Variants in PTP4A1 observed in about 807,000 individuals in gnomAD.
PTP4A1 encodes the protein protein tyrosine phosphatase 4A1.
PTP4A1 carries 9 observed loss-of-function variants against 20.5 expected under a neutral mutation model. That is an observed-to-expected ratio of 0.44 (90% CI 0.26 to 0.77). The LOEUF (loss-of-function observed/expected upper bound fraction) is 0.77. Among genes scored for constraint, PTP4A1 ranks in the 30% least tolerant of loss-of-function variants. The probability of loss-of-function intolerance (pLI) is 0.19; values close to 1 mark genes in which losing one functional copy is unlikely to be tolerated. For missense variants in PTP4A1, 137 were observed against 218.8 expected (o/e 0.63, Z 2.36); for synonymous variants, 78 against 67.4 (o/e 1.16, Z -0.77).
chr6:63,560,498 G>C (rs1393424052), intron 3 of PTP4A1, among the ~76,000 whole-genome samples: 1 of 150,470 alleles, frequency 6.6e-6, no homozygotes, highest in African/African-American at 2.4e-5. Context: ...TGCCTCCCGA[G>C]TTCAAGTGAT....
Position 63,561,652 on chromosome 6 carries a change from T to C in PTP4A1, c.-446+11159T>C, listed in dbSNP as rs1776954359. On this transcript the variant is annotated intron_variant, in intron 3 of 3. Transcript: ENST00000639568. ...GTTATACCCAAGTCACCTTGGGTTT[T>C]AGATGTTTCCAAACGTTTAGAGGTG... 3.3e-5 allele frequency among the ~76,000 whole-genome samples: 5 copies of C among 152,176 alleles called. No homozygotes were observed. The South Asian group carries it at 1.0e-3, about 31-fold the overall frequency.
In PTP4A1 at chr6:63,538,663, A is replaced by C. The variant is rs114872939; in HGVS notation, c.-640+10579A>C. 6.2e-3 allele frequency among the ~76,000 whole-genome samples: 949 copies of C among 152,332 alleles called. 9 individuals carry two copies. The highest frequency in any genetic ancestry group is 0.033 in the South Asian group (158 of 4,834). ...AAAAGAGATTTTCTTATTTTTTAAG[A>C]TAGCATGAAAATGTGCTTTAGTTTT... On this transcript the variant is annotated intron_variant, in intron 2 of 3. Coordinates refer to the PTP4A1 transcript ENST00000639568.
intron 2 of PTP4A1, among the ~76,000 whole-genome samples, chr6:63,541,026 A>AGGG (rs1775948395): frequency 6.8e-6 from 1 of 146,466 alleles, no homozygotes; most frequent in Non-Finnish European, 1.5e-5. Context: ...GGGAATGAAG[A>AGGG]AAGGAAGGAA....
chr6:63,564,451 G>C (rs1002875520), intron 3 of PTP4A1, among the ~76,000 whole-genome samples: 11 of 152,128 alleles, frequency 7.2e-5, no homozygotes, highest in African/African-American at 2.7e-4. Context: ...GACTGTTGTA[G>C]CTTTTGTTAA....
rs368013448 is a variant in PTP4A1, at chr6:63,535,978, G to T, written c.-640+7894G>T. Among the ~76,000 whole-genome samples the T allele has an allele frequency of 2.0e-5, 3 of 151,436 alleles. No individual in the cohort carries two copies. In the East Asian group the frequency reaches 6.0e-4, roughly 30 times the overall value. On this transcript the variant is annotated intron_variant, in intron 2 of 3. Coordinates refer to the PTP4A1 transcript ENST00000639568. ...TGTAGAGACAGTGTTTCACTGTGTT[G>T]GCCAGGGTGGCCTGGAACTCGTGAC...
At chr6:63,533,218 C>A (rs953240668) in intron 2 of PTP4A1, among the ~76,000 whole-genome samples, 1 of 152,074 alleles carries the variant, frequency 6.6e-6, no homozygotes, top group African/African-American at 2.4e-5. Context: ...CTGGTATCTA[C>A]TAAAAATACA....
At chr6:63,542,363 A>G (rs1776018788) in intron 2 of PTP4A1, among the ~76,000 whole-genome samples, 1 of 152,022 alleles carries the variant, frequency 6.6e-6, no homozygotes, top group East Asian at 1.9e-4. Flanking sequence ...AATCTCACAA[A>G]TCACCACTAA....
upstream of PTP4A1, among the ~76,000 whole-genome samples, chr6:63,569,390 G>A (rs1182279119): frequency 6.6e-6 from 1 of 152,132 alleles, no homozygotes; most frequent in Non-Finnish European, 1.5e-5. Context: ...CCAAGTAACT[G>A]GGATTAGAGG....
chr6:63,576,841 T>G lies in PTP4A1; in HGVS notation c.-40T>G. Reference sequence around the variant, plus strand: ...CATTTCTGTATTCAATTTTTTTAATTATTTCATAACCCTATTGAGTGTTTT... The same window carrying G: ...CATTTCTGTATTCAATTTTTTTAATGATTTCATAACCCTATTGAGTGTTTT... On this transcript the variant is annotated 5_prime_UTR_variant, in exon 2 of 6. The change creates a new upstream start codon in the 5' untranslated region. Coordinates refer to ENST00000626021, the MANE Select transcript of PTP4A1 (RefSeq NM_003463.5). 4.6e-6 allele frequency: 7 copies of G among 1,511,120 alleles called. No individual in the cohort carries two copies. The highest frequency in any genetic ancestry group is 6.3e-6 in the Non-Finnish European group (7 of 1,104,164). The allele number at this position is 1,511,120 out of a possible 1,614,324, so 93.6% of individuals were successfully genotyped here. A position where few individuals can be genotyped will look rare whatever the true frequency, so the allele number is the denominator to read the frequency against.
At chr6:63,562,732 A>C (rs1364162223) in intron 3 of PTP4A1, among the ~76,000 whole-genome samples, 1 of 152,226 alleles carries the variant, frequency 6.6e-6, no homozygotes, top group African/African-American at 2.4e-5. Flanking sequence ...TGTTCTCTTA[A>C]TACCTAAATA....
At chr6:63,525,706 C>T (rs907034644) in intron 1 of PTP4A1, among the ~76,000 whole-genome samples, 1 of 152,166 alleles carries the variant, frequency 6.6e-6, no homozygotes, top group Admixed American at 6.5e-5. Context: ...TCACCTTTCC[C>T]CCCAGGCCTA....
rs575407506 is a variant in PTP4A1, at chr6:63,553,610, A to T, written c.-446+3117A>T. ...CACATATTTAGATCTTGATGTTCTA[A>T]CTAATGAATGACAGCTAAGGAATGT... On this transcript the variant is annotated intron_variant, in intron 3 of 3. Coordinates refer to the PTP4A1 transcript ENST00000639568. 4.6e-5 allele frequency among the ~76,000 whole-genome samples: 7 copies of T among 152,336 alleles called. 2 individuals are homozygous for T. The highest frequency in any genetic ancestry group is 1.7e-4 in the African/African-American group (7 of 41,580).
intron 2 of PTP4A1, among the ~76,000 whole-genome samples, chr6:63,543,035 T>C (rs1297717348): frequency 2.0e-5 from 3 of 152,210 alleles, no homozygotes; most frequent in African/African-American, 4.8e-5. Context: ...ACAACATTAA[T>C]TAACATATGG....
At chr6:63,544,848 G>C (rs1394927306) in intron 2 of PTP4A1, among the ~76,000 whole-genome samples, 2 of 152,084 alleles carry the variant, frequency 1.3e-5, no homozygotes, top group African/African-American at 4.8e-5. Context: ...ATTAACTTTG[G>C]TCACTTGGTC....
intron 2 of PTP4A1, among the ~76,000 whole-genome samples, chr6:63,531,618 T>C (rs1271861055): frequency 1.3e-5 from 2 of 150,868 alleles, no homozygotes; most frequent in African/African-American, 2.4e-5. Context: ...TCCTCCTGAG[T>C]AGCTGGGACT....
exon 3 of PTP4A1, chr6:63,550,461 C>T (rs139490498): frequency 4.1e-4 from 63 of 152,296 alleles, no homozygotes; most frequent in African/African-American, 1.5e-3. Flanking sequence ...TCAGACGACT[C>T]TACCTGAAGA....
In PTP4A1 at chr6:63,532,050, C is replaced by T. The variant is rs181712381; in HGVS notation, c.-640+3966C>T. Reference sequence around the variant, plus strand: ...TCTTGACCTTGTGATACACCCACCTCGGCCTCCCAGAGTGCTGGGATTACA... The same window carrying T: ...TCTTGACCTTGTGATACACCCACCTTGGCCTCCCAGAGTGCTGGGATTACA... On this transcript the variant is annotated intron_variant, in intron 2 of 3. Coordinates refer to the PTP4A1 transcript ENST00000639568. Among the ~76,000 whole-genome samples, 46 of 152,192 alleles carry T rather than the reference C, an allele frequency of 3.0e-4. 1 individual carries two copies. In the East Asian group the frequency reaches 7.7e-3, roughly 26 times the overall value.
chr6:63,545,644 A>G (rs944456926), intron 2 of PTP4A1, among the ~76,000 whole-genome samples: 4 of 152,040 alleles, frequency 2.6e-5, no homozygotes, highest in East Asian at 1.9e-4. Flanking sequence ...GAAATTTCCA[A>G]TCTTACCTTG....
chr6:63,526,149 A>C (rs1775159698), intron 1 of PTP4A1, among the ~76,000 whole-genome samples: 1 of 152,030 alleles, frequency 6.6e-6, no homozygotes, highest in South Asian at 2.1e-4. Flanking sequence ...ACATGGTGAA[A>C]TCCCGTCTCC....
Sources: allele counts gnomAD v4.1 joint callset (sites outside exome capture counted in the v4.1 genomes callset), GRCh38; gene constraint gnomAD v4.1.1; transcripts MANE v1.5; gene names NCBI Gene and HGNC (gene_info 2026-07-23, HGNC 2026-07-21).